The following RABL3 variants were observed in gnomAD, a reference collection of about 807,000 sequenced individuals.
RABL3 encodes rab-like protein 3.
In RABL3, 31 loss-of-function variants were observed where a neutral mutation model predicts 31.8. That is an observed-to-expected ratio of 0.97 (90% confidence interval 0.73 to 1.31). The LOEUF (loss-of-function observed/expected upper bound fraction) is 1.31, where lower values mean the gene tolerates loss of function less well. RABL3 is among the 40% of genes most tolerant of loss of function. RABL3 has a pLI of 0.00. For missense variants in RABL3, 263 were observed against 279.6 expected (o/e 0.94, Z 0.42); for synonymous variants, 97 against 99.9 (o/e 0.97, Z 0.18).
chr3:120,690,629 A>G, intron 6 of RABL3, 142 bp from the exon 7 acceptor site: 1 of 567,290 alleles, frequency 1.8e-6, no homozygotes, highest in Non-Finnish European at 3.2e-6. Context: ...ACAGTCAGCT[A>G]AAAATCTGGT....
intron 1 of RABL3, among the ~76,000 whole-genome samples, chr3:120,735,508 T>C (rs1431124284): frequency 2.6e-5 from 4 of 152,290 alleles, no homozygotes; most frequent in Admixed American, 2.0e-4. Context: ...CCTGGATTCA[T>C]TGATTTTTTG....
intron 1 of RABL3, among the ~76,000 whole-genome samples, chr3:120,736,992 A>C (rs1708975359): frequency 6.6e-6 from 1 of 152,174 alleles, no homozygotes; most frequent in African/African-American, 2.4e-5. Flanking sequence ...TGAATCTGAC[A>C]ATTACATGTC....
chr3:120,720,099 C>G (rs938737755), intron 2 of RABL3, among the ~76,000 whole-genome samples: 1 of 152,214 alleles, frequency 6.6e-6, no homozygotes, highest in Admixed American at 6.5e-5. Flanking sequence ...CTCCAGCAAA[C>G]TCCAACAGAT....
chr3:120,694,052 G>C, intron 6 of RABL3, 101 bp downstream of exon 6: 1 of 695,858 alleles, frequency 1.4e-6, no homozygotes, highest in Non-Finnish European at 2.4e-6. Context: ...AGGCTGTGAA[G>C]TTTTGGACAA....
At chr3:120,726,392 A>G (rs1258152612) in intron 2 of RABL3, among the ~76,000 whole-genome samples, 1 of 152,196 alleles carries the variant, frequency 6.6e-6, no homozygotes, top group Non-Finnish European at 1.5e-5. Context: ...TGGGAGGCCA[A>G]GGTTGCAGGA....
At chr3:120,741,651 A>G (rs957202231) in intron 1 of RABL3, among the ~76,000 whole-genome samples, 1 of 152,228 alleles carries the variant, frequency 6.6e-6, no homozygotes, top group Non-Finnish European at 1.5e-5. Context: ...AGGTGTCAAA[A>G]GAATTCTTTT....
chr3:120,720,551 T>C (rs1216968381), intron 2 of RABL3, among the ~76,000 whole-genome samples: 2 of 152,144 alleles, frequency 1.3e-5, no homozygotes, highest in Non-Finnish European at 2.9e-5. Context: ...CAAGCCTCAG[T>C]AGTCGATTCA....
intron 2 of RABL3, among the ~76,000 whole-genome samples, chr3:120,715,531 T>C (rs988000004): frequency 4.0e-5 from 6 of 151,866 alleles, no homozygotes; most frequent in Non-Finnish European, 7.4e-5. Context: ...AATGAGACTC[T>C]TTTTCAAAAT....
At chr3:120,737,927 G>GTCTGCCCC (rs1708991482) in intron 1 of RABL3, among the ~76,000 whole-genome samples, 1 of 152,250 alleles carries the variant, frequency 6.6e-6, no homozygotes. Flanking sequence ...TGAGGTGTCA[G>GTCTGCCCC]TCTGCCCCTA....
chr3:120,690,723 T>C (rs990073414), intron 6 of RABL3, among the ~76,000 whole-genome samples: 1 of 152,096 alleles, frequency 6.6e-6, no homozygotes, highest in Admixed American at 6.6e-5. Context: ...AAAAAATAAA[T>C]GAATAACAAA....
intron 5 of RABL3, among the ~76,000 whole-genome samples, chr3:120,695,602 C>A (rs944090129): frequency 6.6e-6 from 1 of 152,062 alleles, no homozygotes; most frequent in African/African-American, 2.4e-5. Context: ...CAAGCACTTA[C>A]CACAATAAAG....
At chr3:120,721,533 C>T (rs538813824) in intron 2 of RABL3, among the ~76,000 whole-genome samples, 5 of 152,030 alleles carry the variant, frequency 3.3e-5, no homozygotes, top group African/African-American at 4.8e-5. Flanking sequence ...CAATCCTAGT[C>T]TCTGATAAAA....
At chr3:120,690,368 T>A in intron 7 of RABL3, 81 bp downstream of exon 7, 1 of 1,056,996 alleles carries the variant, frequency 9.5e-7, no homozygotes, top group South Asian at 1.3e-5. Context: ...CCCCAACTTT[T>A]TAAAACTACT....
At chr3:120,708,173 A>T (rs1388802600) in intron 3 of RABL3, among the ~76,000 whole-genome samples, 1 of 152,038 alleles carries the variant, frequency 6.6e-6, no homozygotes, top group Non-Finnish European at 1.5e-5. Context: ...TTCCAGAGCT[A>T]AGGTGAAAGA....
chr3:120,717,528 G>T (rs1238258343), intron 2 of RABL3, among the ~76,000 whole-genome samples: 1 of 152,066 alleles, frequency 6.6e-6, no homozygotes, highest in African/African-American at 2.4e-5. Context: ...GAGTGCAGTG[G>T]CCTGATCTCA....
intron 1 of RABL3, among the ~76,000 whole-genome samples, chr3:120,731,439 T>C (rs1298376163): frequency 3.3e-5 from 5 of 152,210 alleles, no homozygotes; most frequent in Non-Finnish European, 7.3e-5. Context: ...TACTACCTCT[T>C]CTACATCATG....
intron 3 of RABL3, among the ~76,000 whole-genome samples, chr3:120,708,731 G>C (rs1708578896): frequency 6.6e-6 from 1 of 151,656 alleles, no homozygotes; most frequent in Non-Finnish European, 1.5e-5. Context: ...CATATATCAA[G>C]GTCATCTTAT....
chr3:120,691,656 A>G (rs1030313993), intron 6 of RABL3, among the ~76,000 whole-genome samples: 1 of 152,242 alleles, frequency 6.6e-6, no homozygotes, highest in Admixed American at 6.5e-5. Flanking sequence ...GTTTACTGAG[A>G]TATAACCCTA....
chr3:120,707,167 C>T (rs1708558773), intron 3 of RABL3, among the ~76,000 whole-genome samples: 1 of 152,098 alleles, frequency 6.6e-6, no homozygotes, highest in African/African-American at 2.4e-5. Flanking sequence ...TAGCTGGCTT[C>T]TACAGTTTTT....
Sources: allele counts gnomAD v4.1 joint callset (sites outside exome capture counted in the v4.1 genomes callset), GRCh38; gene constraint gnomAD v4.1.1; transcripts MANE v1.5; gene names NCBI Gene and HGNC (gene_info 2026-07-23, HGNC 2026-07-21).